Variants in NLGN1 observed in about 807,000 individuals in gnomAD.
The protein encoded by NLGN1 is neuroligin-1.
Under a neutral mutation model 65.5 loss-of-function variants are expected in NLGN1, and 12 were observed. The observed-to-expected ratio is 0.18, with a 90% CI of 0.12 to 0.30. The LOEUF is 0.30. NLGN1 is among the 10% of genes least tolerant of loss of function. The probability of loss-of-function intolerance (pLI) is 1.00; values close to 1 mark genes in which losing one functional copy is unlikely to be tolerated. For missense variants in NLGN1, 750 were observed against 1,007.1 expected (o/e 0.74, Z 3.46); for synonymous variants, 350 against 359.5 (o/e 0.97, Z 0.30).
chr3:173,961,432 C>A (rs1269054579), intron 4 of NLGN1, among the ~76,000 whole-genome samples: 2 of 151,976 alleles, frequency 1.3e-5, no homozygotes, highest in African/African-American at 4.8e-5. Flanking sequence ...CTTCTTTCAT[C>A]CCAGGGATGA....
chr3:173,769,447 C>T (rs1779259619), intron 3 of NLGN1, among the ~76,000 whole-genome samples: 1 of 152,136 alleles, frequency 6.6e-6, no homozygotes, highest in East Asian at 1.9e-4. Flanking sequence ...TCCTGCCAGT[C>T]ACACTCTTTC....
chr3:174,044,248 C>T (rs540051092), intron 4 of NLGN1, among the ~76,000 whole-genome samples: 3 of 152,280 alleles, frequency 2.0e-5, no homozygotes, highest in Admixed American at 2.0e-4. Flanking sequence ...CTGACATGCC[C>T]CGGAGACATT....
At chr3:174,075,674 C>G (rs1003733122) in intron 4 of NLGN1, among the ~76,000 whole-genome samples, 1 of 151,904 alleles carries the variant, frequency 6.6e-6, no homozygotes, top group African/African-American at 2.4e-5. Flanking sequence ...TAAAAAATGT[C>G]TTAAGGAAAA....
At chr3:173,446,967 C>A (rs1475804143) in intron 2 of NLGN1, among the ~76,000 whole-genome samples, 1 of 152,034 alleles carries the variant, frequency 6.6e-6, no homozygotes, top group Non-Finnish European at 1.5e-5. Flanking sequence ...GATATTAGCC[C>A]TTTGTCAGAT....
At chr3:173,688,092 C>A (rs886726495) in intron 3 of NLGN1, among the ~76,000 whole-genome samples, 2 of 152,144 alleles carry the variant, frequency 1.3e-5, no homozygotes, top group African/African-American at 2.4e-5. Context: ...TAGACCTAGA[C>A]TATGTCTGAT....
Position 173,904,509 on chromosome 3 carries a change from GT to G in NLGN1, c.646+96689del, listed in dbSNP as rs1299720428. Reference sequence around the variant, plus strand: ...TTTTGCTTATATGTGAAGATAAAGGGTTTTTTTTTTTTCATTTAGTTTCAAG... The same window carrying G: ...TTTTGCTTATATGTGAAGATAAAGGGTTTTTTTTTTTCATTTAGTTTCAAG... On this transcript the variant is annotated intron_variant, in intron 4 of 6. Coordinates refer to ENST00000457714, the Ensembl canonical transcript of NLGN1. 5.2e-3 allele frequency among the ~76,000 whole-genome samples: 742 copies of G among 141,828 alleles called. 3 individuals carry two copies. The highest frequency in any genetic ancestry group is 0.015 in the African/African-American group (592 of 38,756). The allele number at this position is 141,828 out of a possible 152,430, so 93.0% of individuals were successfully genotyped here. A position where few individuals can be genotyped will look rare whatever the true frequency, so the allele number is the denominator to read the frequency against.
intron 4 of NLGN1, among the ~76,000 whole-genome samples, chr3:174,243,694 G>T (rs888479513): frequency 6.6e-6 from 1 of 152,156 alleles, no homozygotes; most frequent in African/African-American, 2.4e-5. Context: ...GAAAAGGGCT[G>T]CAGAATACTT....
At chr3:174,238,653 C>T (rs1454951995) in intron 4 of NLGN1, among the ~76,000 whole-genome samples, 5 of 152,214 alleles carry the variant, frequency 3.3e-5, no homozygotes, top group Non-Finnish European at 7.3e-5. Context: ...AGACACCGCG[C>T]CCAGCCTATG....
intron 2 of NLGN1, among the ~76,000 whole-genome samples, chr3:173,576,465 T>G (rs1186313093): frequency 6.6e-6 from 1 of 152,122 alleles, no homozygotes; most frequent in African/African-American, 2.4e-5. Context: ...TAGAAAAAAT[T>G]CCGTTTTCTT....
chr3:174,189,123 G>T (rs571620917), intron 4 of NLGN1, among the ~76,000 whole-genome samples: 2 of 152,086 alleles, frequency 1.3e-5, no homozygotes, highest in East Asian at 3.9e-4. Flanking sequence ...TAAAGGGTGG[G>T]TGTTTGAACC....
At chr3:174,172,892 A>G (rs931749340) in intron 4 of NLGN1, among the ~76,000 whole-genome samples, 4 of 152,106 alleles carry the variant, frequency 2.6e-5, no homozygotes, top group Non-Finnish European at 5.9e-5. Flanking sequence ...CATTAAATCC[A>G]TAGATGGCTG....
chr3:173,969,094 T>C (rs1468185698), intron 4 of NLGN1, among the ~76,000 whole-genome samples: 1 of 152,130 alleles, frequency 6.6e-6, no homozygotes, highest in Non-Finnish European at 1.5e-5. Flanking sequence ...TGTTAACTTG[T>C]TGATTATTTT....
intron 2 of NLGN1, among the ~76,000 whole-genome samples, chr3:173,485,116 C>CAAAAAA (rs58463042): frequency 3.8e-5 from 2 of 52,886 alleles, no homozygotes; most frequent in African/African-American, 6.6e-5. Flanking sequence ...TGGCAGCAGG[C>CAAAAAA]AAAAAAAAAA....
intron 2 of NLGN1, among the ~76,000 whole-genome samples, chr3:173,545,343 G>T (rs1245322150): frequency 2.0e-5 from 3 of 152,010 alleles, no homozygotes; most frequent in Non-Finnish European, 4.4e-5. Flanking sequence ...CAAAGTGCTG[G>T]GATTACAGGC....
intron 4 of NLGN1, among the ~76,000 whole-genome samples, chr3:174,098,381 A>C (rs753778364): frequency 5.9e-5 from 9 of 152,196 alleles, no homozygotes; most frequent in Non-Finnish European, 1.0e-4. Flanking sequence ...CACTTTTCTT[A>C]CTATAATATG....
chr3:173,895,502 A>C (rs1736186150), intron 4 of NLGN1, among the ~76,000 whole-genome samples: 1 of 152,174 alleles, frequency 6.6e-6, no homozygotes, highest in Non-Finnish European at 1.5e-5. Flanking sequence ...GGGTACTCAG[A>C]GAACTCAACC....
At chr3:173,920,997 A>C (rs901031117) in intron 4 of NLGN1, among the ~76,000 whole-genome samples, 3 of 151,878 alleles carry the variant, frequency 2.0e-5, no homozygotes, top group Non-Finnish European at 4.4e-5. Context: ...ATGTGTTTCA[A>C]TTTCAAGATC....
At chr3:173,485,101 TTGGA>T (rs1727950523) in intron 2 of NLGN1, among the ~76,000 whole-genome samples, 1 of 144,722 alleles carries the variant, frequency 6.9e-6, no homozygotes, top group Admixed American at 7.0e-5. Flanking sequence ...CATACCTTAC[TTGGA>T]TGGCAGCAGG....
intron 4 of NLGN1, among the ~76,000 whole-genome samples, chr3:173,936,695 GGTATAT>G (rs1319070920): frequency 1.3e-5 from 2 of 151,986 alleles, no homozygotes; most frequent in Non-Finnish European, 2.9e-5. Flanking sequence ...AGGTCCTCAA[GGTATAT>G]GTCTTATTTA....
Sources: allele counts gnomAD v4.1 joint callset (sites outside exome capture counted in the v4.1 genomes callset), GRCh38; gene constraint gnomAD v4.1.1; transcripts MANE v1.5; gene names NCBI Gene and HGNC (gene_info 2026-07-23, HGNC 2026-07-21).